The following FOXJ3 variants were observed in gnomAD, a reference collection of about 807,000 sequenced individuals.
FOXJ3 encodes forkhead box protein J3.
In FOXJ3, 22 loss-of-function variants were observed where a neutral mutation model predicts 76.1. The ratio of observed to expected loss-of-function variants is 0.29; its 90% CI spans 0.21 to 0.41. The LOEUF (loss-of-function observed/expected upper bound fraction) is 0.41. Among genes scored for constraint, FOXJ3 ranks in the 10% least tolerant of loss-of-function variants. The pLI, the probability that FOXJ3 is intolerant of heterozygous loss-of-function variation, is 1.00. For synonymous variants in FOXJ3, 269 were observed against 261.2 expected, an observed-to-expected ratio of 1.03 and a Z score of -0.29; for missense variants, 613 against 762.1, an observed-to-expected ratio of 0.80 and a Z score of 2.30.
intron 4 of FOXJ3, among the ~76,000 whole-genome samples, chr1:42,261,030 G>A (rs1327299664): frequency 1.3e-5 from 2 of 152,108 alleles, no homozygotes; most frequent in Non-Finnish European, 2.9e-5. Context: ...TCTCTGAACT[G>A]AAGAAAGGGA....
intron 4 of FOXJ3, among the ~76,000 whole-genome samples, chr1:42,235,232 G>A (rs1450936157): frequency 2.0e-5 from 3 of 152,192 alleles, no homozygotes; most frequent in South Asian, 2.1e-4. Flanking sequence ...CTGGTGTGCC[G>A]TTTGCTAAGA....
At chr1:42,294,222 G>A (rs960602746) in intron 2 of FOXJ3, among the ~76,000 whole-genome samples, 1 of 152,184 alleles carries the variant, frequency 6.6e-6, no homozygotes, top group Non-Finnish European at 1.5e-5. Flanking sequence ...GATACATGCT[G>A]CTTTGTCTCA....
chr1:42,273,673 T>TA, intron 3 of FOXJ3, among the ~76,000 whole-genome samples: 1 of 13,004 alleles, frequency 7.7e-5, no homozygotes, highest in South Asian at 1.4e-3. Flanking sequence ...ACACTCCATC[T>TA]CAAAAAAAAA....
intron 4 of FOXJ3, among the ~76,000 whole-genome samples, chr1:42,243,883 A>G (rs76533524): frequency 6.6e-6 from 1 of 152,216 alleles, no homozygotes; most frequent in Non-Finnish European, 1.5e-5. Flanking sequence ...TGTTCCCATC[A>G]GTACATGGAA....
chr1:42,311,636 T>C (rs972955144), intron 1 of FOXJ3, among the ~76,000 whole-genome samples: 3 of 64,768 alleles, frequency 4.6e-5, no homozygotes, highest in South Asian at 4.8e-4. Context: ...AACAGTTCCA[T>C]TGCTTTAAAA....
intron 5 of FOXJ3, among the ~76,000 whole-genome samples, chr1:42,210,999 C>T (rs747598433): frequency 6.6e-5 from 10 of 152,168 alleles, no homozygotes; most frequent in Non-Finnish European, 1.2e-4. Flanking sequence ...AGACTGCAGG[C>T]CTCAAGTCCT....
intron 6 of FOXJ3, among the ~76,000 whole-genome samples, chr1:42,205,356 T>C (rs770764888): frequency 6.6e-6 from 1 of 152,234 alleles, no homozygotes. Flanking sequence ...GTGAACTCTA[T>C]GAGGCTGTCC....
At chr1:42,310,450 CTTTT>C (rs774256648) in intron 2 of FOXJ3, among the ~76,000 whole-genome samples, 3 of 130,152 alleles carry the variant, frequency 2.3e-5, no homozygotes, top group Admixed American at 7.7e-5. Flanking sequence ...GGGCTTTTTT[CTTTT>C]TTTTTTTTTT....
intron 4 of FOXJ3, among the ~76,000 whole-genome samples, chr1:42,259,632 T>C (rs1039764606): frequency 1.3e-5 from 2 of 152,214 alleles, no homozygotes; most frequent in Non-Finnish European, 2.9e-5. Context: ...ACTCAATCTT[T>C]CTAATCTTCT....
intron 1 of FOXJ3, among the ~76,000 whole-genome samples, chr1:42,332,825 C>T (rs1656240999): frequency 6.6e-6 from 1 of 152,208 alleles, no homozygotes; most frequent in East Asian, 1.9e-4. Context: ...TGAAATACAC[C>T]TCTTTCCCTT....
chr1:42,255,034 A>G (rs1223771749), intron 4 of FOXJ3, among the ~76,000 whole-genome samples: 1 of 152,184 alleles, frequency 6.6e-6, no homozygotes, highest in Admixed American at 6.5e-5. Context: ...AGGAAAGAAC[A>G]TCAGAAAAGG....
At chr1:42,285,596 CTG>C (rs1006797891) in intron 2 of FOXJ3, among the ~76,000 whole-genome samples, 14 of 152,164 alleles carry the variant, frequency 9.2e-5, no homozygotes, top group African/African-American at 3.4e-4. Flanking sequence ...GCTGTAAAAA[CTG>C]TGCATTTCCC....
At chr1:42,304,988 A>G (rs1654369550) in intron 2 of FOXJ3, among the ~76,000 whole-genome samples, 1 of 152,236 alleles carries the variant, frequency 6.6e-6, no homozygotes, top group Non-Finnish European at 1.5e-5. Context: ...TCTGCAAACT[A>G]CCCATTCGAC....
intron 4 of FOXJ3, among the ~76,000 whole-genome samples, chr1:42,237,102 G>A (rs1001265686): frequency 6.6e-5 from 10 of 151,860 alleles, no homozygotes; most frequent in South Asian, 2.1e-4. Context: ...TGGGCCAGGC[G>A]TGGTGACTCA....
chr1:42,335,319 A>T (rs904707822), upstream of FOXJ3: 1 of 151,972 alleles, frequency 6.6e-6, no homozygotes, highest in East Asian at 1.9e-4. Context: ...CAGCGGCGTC[A>T]AGTCCCTGCG....
intron 4 of FOXJ3, among the ~76,000 whole-genome samples, chr1:42,263,304 T>C (rs1164843963): frequency 6.6e-6 from 1 of 152,182 alleles, no homozygotes; most frequent in African/African-American, 2.4e-5. Flanking sequence ...TTAATTTTTT[T>C]TAATTATTTC....
intron 2 of FOXJ3, among the ~76,000 whole-genome samples, chr1:42,291,035 T>C (rs534731377): frequency 2.4e-5 from 2 of 84,346 alleles, no homozygotes; most frequent in East Asian, 3.3e-4. Flanking sequence ...TATAGATAGA[T>C]AGATAGATAG....
At chr1:42,182,515 TGA>T (rs927149998) in intron 11 of FOXJ3, among the ~76,000 whole-genome samples, 2 of 152,122 alleles carry the variant, frequency 1.3e-5, no homozygotes, top group Non-Finnish European at 2.9e-5. Context: ...CTCTCTTTTT[TGA>T]GACAGGGTCT....
chr1:42,185,619 G>C (rs1557617288), intron 11 of FOXJ3, among the ~76,000 whole-genome samples: 1 of 151,900 alleles, frequency 6.6e-6, no homozygotes, highest in Non-Finnish European at 1.5e-5. Flanking sequence ...TTTATTCTCA[G>C]TGCCCAATAC....
Sources: allele counts gnomAD v4.1 joint callset (sites outside exome capture counted in the v4.1 genomes callset), GRCh38; gene constraint gnomAD v4.1.1; transcripts MANE v1.5; gene names NCBI Gene and HGNC (gene_info 2026-07-23, HGNC 2026-07-21).